The following LYST variants were observed in gnomAD, a reference collection of about 807,000 sequenced individuals.
The protein encoded by LYST is lysosomal trafficking regulator, also known as lysosomal-trafficking regulator.
Under a neutral mutation model 413.6 loss-of-function variants are expected in LYST, and 192 were observed. The observed-to-expected ratio is 0.46, with a 90% CI of 0.41 to 0.52. The LOEUF is 0.52. Ranked by LOEUF, LYST falls within the 20% of genes least tolerant of loss-of-function variation. LYST has a pLI of 0.00. For missense variants in LYST, 3,815 were observed against 4,499.9 expected (o/e 0.85, Z 4.35); for synonymous variants, 1,525 against 1,567.3 (o/e 0.97, Z 0.64).
At chr1:235,862,819 AC>A (rs1318105695) in intron 1 of LYST, among the ~76,000 whole-genome samples, 1 of 133,154 alleles carries the variant, frequency 7.5e-6, no homozygotes, top group African/African-American at 3.1e-5. Flanking sequence ...ACACACACAC[AC>A]ACACACACAC....
At chr1:235,800,237 A>G (rs1374465065) in intron 10 of LYST, 83 bp downstream of exon 10, 8 of 945,558 alleles carry the variant, frequency 8.5e-6, no homozygotes, top group Non-Finnish European at 1.4e-5. Context: ...GGCATGAGCC[A>G]CCACACCTGG....
chr1:235,772,510 T>C (rs1668810454), intron 19 of LYST, among the ~76,000 whole-genome samples: 2 of 152,168 alleles, frequency 1.3e-5, no homozygotes, highest in African/African-American at 4.8e-5. Context: ...GAGCCTATAC[T>C]ATTAAGATTG....
intron 7 of LYST, 58 bp from the exon 8 acceptor site, chr1:235,803,122 C>T: frequency 7.4e-7 from 1 of 1,351,566 alleles, no homozygotes; most frequent in Non-Finnish European, 1.1e-6. Context: ...TAATAGAATA[C>T]TTATTACTCA....
chr1:235,719,033 T>C (rs1663097402), intron 40 of LYST, among the ~76,000 whole-genome samples: 1 of 152,236 alleles, frequency 6.6e-6, no homozygotes, highest in African/African-American at 2.4e-5. Context: ...ATTTTTATTT[T>C]TTGAGACGGA....
intron 6 of LYST, among the ~76,000 whole-genome samples, chr1:235,805,141 A>C (rs939338820): frequency 1.3e-5 from 2 of 152,224 alleles, no homozygotes; most frequent in Admixed American, 1.3e-4. Flanking sequence ...AGGTCCCTAG[A>C]TTCCTTTTTA....
chr1:235,735,324 C>T (rs1001657837), intron 31 of LYST: 1 of 152,106 alleles, frequency 6.6e-6, no homozygotes, highest in Non-Finnish European at 1.5e-5. Context: ...GCATTCACTA[C>T]TCCCTAGAAC....
chr1:235,727,248 G>A (rs1052483976), intron 38 of LYST, among the ~76,000 whole-genome samples: 1 of 150,518 alleles, frequency 6.6e-6, no homozygotes, highest in African/African-American at 2.4e-5. Context: ...TCAGCCTCCC[G>A]AGTAGCTGGG....
chr1:235,865,804 AG>A (rs1680440700), intron 1 of LYST, among the ~76,000 whole-genome samples: 2 of 152,238 alleles, frequency 1.3e-5, no homozygotes, highest in African/African-American at 4.8e-5. Flanking sequence ...ATCATCAGGA[AG>A]AAAAGTCTAA....
chr1:235,788,668 A>G (rs1289976382), intron 13 of LYST, 33 bp downstream of exon 13: 1 of 1,600,308 alleles, frequency 6.2e-7, no homozygotes, highest in East Asian at 2.2e-5. Context: ...TAAATACATT[A>G]TCTATTCATG....
intron 40 of LYST, 55 bp from the exon 41 acceptor site, chr1:235,716,833 G>A: frequency 9.7e-7 from 1 of 1,031,522 alleles, no homozygotes; most frequent in Non-Finnish European, 1.5e-6. Flanking sequence ...TCAAGATTAA[G>A]CTCCCTAGAT....
chr1:235,767,456 C>T (rs1045579306), intron 20 of LYST, among the ~76,000 whole-genome samples: 1 of 152,060 alleles, frequency 6.6e-6, no homozygotes, highest in Non-Finnish European at 1.5e-5. Flanking sequence ...ATAGATCTCC[C>T]GACTTCCAAT....
At chr1:235,773,243 T>A (rs773341760) in intron 19 of LYST, among the ~76,000 whole-genome samples, 4 of 151,206 alleles carry the variant, frequency 2.6e-5, no homozygotes, top group Non-Finnish European at 4.4e-5. Flanking sequence ...CATCTGAGCC[T>A]GGGGGTGGAG....
intron 22 of LYST, among the ~76,000 whole-genome samples, chr1:235,761,774 A>C (rs71642806): frequency 3.3e-4 from 50 of 150,678 alleles, no homozygotes; most frequent in African/African-American, 1.2e-3. Flanking sequence ...TAAAAAAAAA[A>C]CAAAAAAAAA....
chr1:235,741,506 T>C lies in LYST; in HGVS notation c.8274A>G (p.Ala2758=). ...LVHILSPAHA[A]QERKQIFEIV... is the part of the protein sequence containing the mutation. ...TTTCAAAAATTTGCTTTCTCTCTTGTGCAGCGTGGGCTGGCGACAAAATAT... is the reference window on the plus strand; with the variant it reads ...TTTCAAAAATTTGCTTTCTCTCTTGCGCAGCGTGGGCTGGCGACAAAATAT... Residue 2758 remains alanine, a synonymous_variant, in exon 31 of 53, where the codon GCA becomes GCG. Transcript: ENST00000389793. The C allele has an allele frequency of 6.2e-7, 1 of 1,614,160 alleles. No individual in the cohort carries two copies. Among genetic ancestry groups the C allele is most frequent in the Non-Finnish European group, 8.5e-7 (1 of 1,180,006 alleles).
At position 235,805,912 on chromosome 1, in the gene LYST, A is replaced by C. The variant is rs753328331; in HGVS notation, c.3224T>G (p.Val1075Gly). 2.5e-6 allele frequency: 4 copies of C among 1,613,824 alleles called. No homozygotes were observed. In the African/African-American group the frequency reaches 4.0e-5, roughly 16 times the overall value. Reference sequence around the variant, plus strand: ...GGCTTCAGTAGCTGAAACTTCTTCCACATTTATGGAAGAAATATGCTGTAA... The same window carrying C: ...GGCTTCAGTAGCTGAAACTTCTTCCCCATTTATGGAAGAAATATGCTGTAA... ...LELQHISSIN[V>G]EEVSATEAAP... The change falls in exon 6 of 53, where the codon GTG (valine) becomes GGG (glycine). Residue 1075 changes from valine to glycine, a missense_variant. Transcript: ENST00000389793.
In LYST at chr1:235,787,280, A is replaced by C; in HGVS notation, c.4782T>G (p.His1594Gln). Reference protein sequence around the residue: ...ENIFLPSKWQHLVLTYLQQPQ... With the variant: ...ENIFLPSKWQQLVLTYLQQPQ... ...GCTGCTGTAAGTAGGTGAGTACTAA[A>C]TGTTGCCATTTGCTTGGGAGGAAAA... The change falls in exon 14 of 53, where the codon CAT becomes CAG. Residue 1594 changes from histidine to glutamine, a missense_variant. By Grantham distance (24) the His-to-Gln change is conservative. Around this residue, in one of 4 missense-constraint regions of LYST, gnomAD observed 530 missense variants for 696.5 expected, o/e 0.76. Coordinates refer to ENST00000389793, the MANE Select transcript of LYST (RefSeq NM_000081.4). The C allele has an allele frequency of 6.2e-7, 1 of 1,613,550 alleles. No homozygotes were observed. The highest frequency in any genetic ancestry group is 8.5e-7 in the Non-Finnish European group (1 of 1,179,616).
In LYST at chr1:235,709,021, G is replaced by A. The variant is rs75360039; in HGVS notation, c.10143+70C>T. 9.9e-4 allele frequency: 1,385 copies of A among 1,404,928 alleles called. 2 individuals are homozygous for A. The highest frequency in any genetic ancestry group is 1.2e-3 in the Non-Finnish European group (1,226 of 991,222). 87.0% of individuals were successfully genotyped at this position (1,404,928 alleles called of 1,614,324 possible). On this transcript the variant is annotated intron_variant, in intron 44 of 52. Coordinates refer to ENST00000389793, the MANE Select transcript of LYST (RefSeq NM_000081.4). Reference sequence around the variant, plus strand: ...ACTTGAGTGTTTTAAAGGAATGGCCGAACAACTAACCTTAAAATATTCAGG... The same window carrying A: ...ACTTGAGTGTTTTAAAGGAATGGCCAAACAACTAACCTTAAAATATTCAGG...
Position 235,674,207 on chromosome 1 carries a change from G to A in LYST, c.11038+2884C>T, listed in dbSNP as rs778140375. 6.6e-5 allele frequency among the ~76,000 whole-genome samples: 10 copies of A among 152,070 alleles called. No individual in the cohort carries two copies. Among genetic ancestry groups the A allele is most frequent in the South Asian group, 2.1e-4 (1 of 4,828 alleles). The stretch of plus-strand genomic sequence containing the variant: ...GCATTCCTTGGAAGCCTAACAGGAC[G>A]CAGTGAATCTAAGCCTTTTCAAGAG... On this transcript the variant is annotated intron_variant, in intron 50 of 52. Coordinates refer to ENST00000389793, the MANE Select transcript of LYST (RefSeq NM_000081.4). The surrounding 1 kb of genome is among the most constrained non-coding windows in gnomAD (Gnocchi z 4.1).
chr1:235,808,909 A>T lies in LYST; in HGVS notation c.1909T>A (p.Cys637Ser). The T allele has an allele frequency of 2.5e-6, 4 of 1,612,692 alleles. No homozygotes were observed. The highest frequency in any genetic ancestry group is 3.4e-6 in the Non-Finnish European group (4 of 1,179,228). The stretch of plus-strand genomic sequence containing the variant: ...TCAGAGTCAACAGTACAAATATTAC[A>T]AGCTGCTTTTTTAATTTTTGGTGAT... ...EISPKIKKAACNICTVDSDQL... is the reference protein window; with the variant it reads ...EISPKIKKAASNICTVDSDQL... Residue 637 changes from cysteine (C) to serine (S), a missense_variant, in exon 5 of 53, where the codon TGT (cysteine) becomes AGT (serine). By Grantham distance (112) the Cys-to-Ser change is moderately radical (BLOSUM62 -1). Coordinates refer to ENST00000389793, the MANE Select transcript of LYST (RefSeq NM_000081.4).
Sources: allele counts gnomAD v4.1 joint callset (sites outside exome capture counted in the v4.1 genomes callset), GRCh38; gene constraint gnomAD v4.1.1; regional missense constraint gnomAD v4.1.1; non-coding constraint Gnocchi (gnomAD v3.1); transcripts MANE v1.5; gene names NCBI Gene and HGNC (gene_info 2026-07-23, HGNC 2026-07-21).